The following ENOX1 variants were observed in gnomAD, a reference collection of about 807,000 sequenced individuals.
ENOX1 encodes candidate growth-related and time keeping constitutive hydroquinone (NADH) oxidase.
A neutral mutation model predicts 82.5 loss-of-function variants in ENOX1; 42 were observed. The ratio of observed to expected loss-of-function variants is 0.51; its 90% confidence interval spans 0.40 to 0.66. ENOX1 has a LOEUF of 0.66. Ranked by LOEUF, ENOX1 falls within the 30% of genes least tolerant of loss-of-function variation. The pLI is 0.00. For missense variants in ENOX1, 608 were observed against 811.6 expected (o/e 0.75, Z 3.05); for synonymous variants, 271 against 282.2 (o/e 0.96, Z 0.40).
Position 43,476,174 on chromosome 13 carries a change from T to A in ENOX1, c.-75+7835A>T, listed in dbSNP as rs139676606. Among the ~76,000 whole-genome samples, 9 of 152,262 alleles carry A rather than the reference T, an allele frequency of 5.9e-5. No homozygotes were observed. The East Asian group carries it at 1.5e-3, about 26-fold the overall frequency. On this transcript the variant is annotated intron_variant, in intron 3 of 16. Transcript: ENST00000690772. The stretch of plus-strand genomic sequence containing the variant: ...ATCGCTACAAATATTTGTTACTTTG[T>A]TTATTCATTCAGTAATTCAAAAAAA...
intron 5 of ENOX1, among the ~76,000 whole-genome samples, chr13:43,362,917 A>AT (rs10709661): frequency 0.014 from 2,064 of 151,806 alleles, 47 homozygotes; most frequent in African/African-American, 0.046. Context: ...TAAAAGGAGG[A>AT]TTTTTTTTTA....
At chr13:43,778,432 C>T (rs1022510040) in intron 1 of ENOX1, among the ~76,000 whole-genome samples, 3 of 152,180 alleles carry the variant, frequency 2.0e-5, no homozygotes, top group African/African-American at 7.2e-5. Flanking sequence ...CCACCCCCAG[C>T]TACCACTCAT....
intron 1 of ENOX1, among the ~76,000 whole-genome samples, chr13:43,687,209 T>C (rs1485480563): frequency 6.6e-6 from 1 of 152,226 alleles, no homozygotes; most frequent in African/African-American, 2.4e-5. Flanking sequence ...TGGTATCACA[T>C]TTAACAAATA....
At chr13:43,762,642 C>T (rs894706050) in intron 1 of ENOX1, among the ~76,000 whole-genome samples, 2 of 152,120 alleles carry the variant, frequency 1.3e-5, no homozygotes, top group African/African-American at 4.8e-5. Flanking sequence ...AGTTAATAAT[C>T]TGGGACAAGC....
intron 10 of ENOX1, among the ~76,000 whole-genome samples, chr13:43,325,202 A>C (rs1271080503): frequency 6.6e-6 from 1 of 152,164 alleles, no homozygotes; most frequent in African/African-American, 2.4e-5. Flanking sequence ...CTGGCCCCTG[A>C]AAAATTAAAG....
chr13:43,715,479 C>T (rs962845919), intron 1 of ENOX1, among the ~76,000 whole-genome samples: 15 of 151,960 alleles, frequency 9.9e-5, no homozygotes, highest in East Asian at 7.7e-4. Context: ...ATCTTTGTGG[C>T]GTTCTCTGTA....
chr13:43,640,594 C>T (rs2083593173), intron 2 of ENOX1, among the ~76,000 whole-genome samples: 2 of 152,054 alleles, frequency 1.3e-5, no homozygotes, highest in Admixed American at 6.6e-5. Context: ...TAATATGCAC[C>T]AATCAACTCA....
intron 1 of ENOX1, among the ~76,000 whole-genome samples, chr13:43,685,803 ATTACT>A (rs1268970765): frequency 1.3e-5 from 2 of 151,424 alleles, no homozygotes; most frequent in African/African-American, 4.9e-5. Context: ...AGGCATACCC[ATTACT>A]TATCAAATTA....
intron 1 of ENOX1, among the ~76,000 whole-genome samples, chr13:43,689,289 T>C (rs1486571771): frequency 6.6e-6 from 1 of 152,148 alleles, no homozygotes; most frequent in Non-Finnish European, 1.5e-5. Flanking sequence ...CAGGCAACTA[T>C]AAAGCATGAG....
intron 12 of ENOX1, among the ~76,000 whole-genome samples, chr13:43,294,546 C>T (rs1466915341): frequency 6.6e-6 from 1 of 152,144 alleles, no homozygotes; most frequent in Non-Finnish European, 1.5e-5. Context: ...CATGATGGTA[C>T]AGACGCTTGG....
chr13:43,277,699 G>C (rs1009900713), intron 12 of ENOX1, among the ~76,000 whole-genome samples: 1 of 152,230 alleles, frequency 6.6e-6, no homozygotes, highest in Non-Finnish European at 1.5e-5. Flanking sequence ...TAGGGGAAAA[G>C]AGGGCATGGA....
intron 2 of ENOX1, among the ~76,000 whole-genome samples, chr13:43,539,833 T>C (rs7329383): frequency 0.54 from 81,964 of 151,994 alleles, 22,827 homozygotes; most frequent in South Asian, 0.81. Flanking sequence ...AAATAGTTTA[T>C]ATTATTAACT....
chr13:43,235,838 C>T (rs529435179), intron 15 of ENOX1, among the ~76,000 whole-genome samples: 11 of 152,234 alleles, frequency 7.2e-5, no homozygotes, highest in African/African-American at 2.6e-4. Flanking sequence ...TCAGTCTTAA[C>T]CATGCCACCA....
In ENOX1 at chr13:43,541,173, G is replaced by GTTTTTTTTTTTTTTTTTT. The variant is rs553504525; in HGVS notation, c.-218-57039_-218-57022dup. 1.3e-3 allele frequency among the ~76,000 whole-genome samples: 85 copies of GTTTTTTTTTTTTTTTTTT among 64,564 alleles called. 19 individuals are homozygous for GTTTTTTTTTTTTTTTTTT. Among genetic ancestry groups the GTTTTTTTTTTTTTTTTTT allele is most frequent in the East Asian group, 2.1e-3 (4 of 1,902 alleles). 42.4% of individuals were successfully genotyped at this position (64,564 alleles called of 152,430 possible). ...CTCCAACCTTACACTTCTTCCCTCT[G>GTTTTTTTTTTTTTTTTTT]TTTTTTTTTTTTTTTTTTTTTTTTT... On this transcript the variant is annotated intron_variant, in intron 2 of 16. Coordinates refer to ENST00000690772, the MANE Select transcript of ENOX1 (RefSeq NM_001347969.2).
rs2053471004 is a variant in ENOX1 at position 43,401,118 on chromosome 13, G to C, written c.208+10798C>G. On this transcript the variant is annotated intron_variant, in intron 5 of 16. Coordinates refer to ENST00000690772, the MANE Select transcript of ENOX1 (RefSeq NM_001347969.2). ...CATATTAGGTGCCAAATAATTATAG[G>C]TTTTATTATTATTCTTTTTAGTGTT... is the stretch of plus-strand genomic sequence containing the variant. Among the ~76,000 whole-genome samples the C allele has an allele frequency of 2.0e-5, 3 of 152,100 alleles. No homozygotes were observed. In the South Asian group the frequency reaches 6.2e-4, roughly 32 times the overall value.
intron 11 of ENOX1, among the ~76,000 whole-genome samples, chr13:43,316,825 A>C (rs908347873): frequency 3.9e-5 from 6 of 151,944 alleles, no homozygotes; most frequent in Non-Finnish European, 8.8e-5. Context: ...TTTGCAAATG[A>C]AACTCTGTTT....
At chr13:43,344,482 T>C in intron 9 of ENOX1, 56 bp downstream of exon 9, 1 of 1,443,962 alleles carries the variant, frequency 6.9e-7, no homozygotes, top group Non-Finnish European at 9.5e-7. Flanking sequence ...GTAAAATTAA[T>C]AAAAAAGAAA....
intron 12 of ENOX1, among the ~76,000 whole-genome samples, chr13:43,288,863 T>C (rs934161952): frequency 2.6e-5 from 4 of 152,130 alleles, no homozygotes; most frequent in African/African-American, 9.6e-5. Flanking sequence ...CTCTTAAAAT[T>C]AGTAAAGTTT....
chr13:43,635,501 T>A (rs977349975), intron 2 of ENOX1, among the ~76,000 whole-genome samples: 1 of 152,204 alleles, frequency 6.6e-6, no homozygotes, highest in Admixed American at 6.5e-5. Flanking sequence ...AATGTATGAC[T>A]TTTTTGGTCT....
Sources: allele counts gnomAD v4.1 joint callset (sites outside exome capture counted in the v4.1 genomes callset), GRCh38; gene constraint gnomAD v4.1.1; transcripts MANE v1.5; gene names NCBI Gene and HGNC (gene_info 2026-07-23, HGNC 2026-07-21).